Variants in SIDT1 observed in about 807,000 individuals in gnomAD.
The protein encoded by SIDT1 is SID1 transmembrane family, member 1.
In SIDT1, 101 loss-of-function variants were observed where a neutral mutation model predicts 107.5. The observed-to-expected ratio is 0.94, with a 90% confidence interval of 0.80 to 1.11. The LOEUF (loss-of-function observed/expected upper bound fraction) is 1.11. Ranked by LOEUF, SIDT1 falls within the 50% of genes least tolerant of loss-of-function variation. The pLI is 0.00. For missense variants in SIDT1, 1,076 were observed against 1,058.2 expected, an observed-to-expected ratio of 1.02 and a Z score of -0.23; for synonymous variants, 395 against 398.2, an observed-to-expected ratio of 0.99 and a Z score of 0.10.
At position 113,604,960 on chromosome 3, in the gene SIDT1, T is replaced by C. The variant is rs776379280; in HGVS notation, c.1388T>C (p.Val463Ala). ...TACGCGCTGCCCGTGATCCAGCTGG[T>C]CATTACCTATCAGACAGTAAGTGCT... ...VFYALPVIQLVITYQTVVNVT... is the reference protein window; with the variant it reads ...VFYALPVIQLAITYQTVVNVT... The change falls in exon 14 of 25, where the codon GTC (valine) becomes GCC (alanine). Residue 463 changes from valine (V) to alanine (A), a missense_variant. Coordinates refer to ENST00000264852, the MANE Select transcript of SIDT1 (RefSeq NM_017699.3). 9.9e-6 allele frequency: 16 copies of C among 1,613,854 alleles called. No individual in the cohort carries two copies. Among genetic ancestry groups the C allele is most frequent in the Non-Finnish European group, 1.4e-5 (16 of 1,180,026 alleles).
intron 19 of SIDT1, among the ~76,000 whole-genome samples, chr3:113,614,080 G>T (rs1340119154): frequency 1.3e-5 from 2 of 152,198 alleles, no homozygotes; most frequent in African/African-American, 2.4e-5. Context: ...GGAAGACATG[G>T]TTCCCAAAAT....
chr3:113,571,407 A>AC (rs1321572538), intron 3 of SIDT1, among the ~76,000 whole-genome samples: 1 of 151,940 alleles, frequency 6.6e-6, no homozygotes, highest in African/African-American at 2.4e-5. Context: ...ACAAAATGAG[A>AC]CCCCATCTCT....
intron 1 of SIDT1, among the ~76,000 whole-genome samples, chr3:113,563,750 GA>G (rs1941653247): frequency 1.3e-5 from 2 of 151,916 alleles, no homozygotes; most frequent in Admixed American, 6.6e-5. Context: ...TTTTTAACTG[GA>G]AAAAAATTTT....
chr3:113,623,891 C>T (rs1452565474), intron 23 of SIDT1, among the ~76,000 whole-genome samples, 158 bp downstream of exon 23: 3 of 152,226 alleles, frequency 2.0e-5, no homozygotes, highest in African/African-American at 7.2e-5. Context: ...TGCACAATAA[C>T]TGCATGCGTT....
intron 1 of SIDT1, among the ~76,000 whole-genome samples, chr3:113,557,614 GAC>G (rs1274575513): frequency 6.6e-6 from 1 of 152,196 alleles, no homozygotes. Context: ...AGGGTTCATG[GAC>G]ACCACCAGAA....
Position 113,603,160 on chromosome 3 carries a change from C to A in SIDT1, c.1263+10C>A. 1.9e-6 allele frequency: 3 copies of A among 1,612,540 alleles called. No homozygotes were observed. The highest frequency in any genetic ancestry group is 1.7e-6 in the Non-Finnish European group (2 of 1,179,118). ...CATCATCCGGACCAAGGTACCCACT[C>A]TGCCTCGCCGTACTCTTTGAGAGGG... is the stretch of plus-strand genomic sequence containing the variant. On this transcript the variant is annotated intron_variant, in intron 12 of 24. Coordinates refer to ENST00000264852, the MANE Select transcript of SIDT1 (RefSeq NM_017699.3).
Position 113,608,627 on chromosome 3 carries a change from A to T in SIDT1, c.1720+91A>T, listed in dbSNP as rs1945515692. ...AAATGCCAAAGTCATGCTTGCAAAG[A>T]TCAAATGGCATTTTATGTGAGCTGA... On this transcript the variant is annotated intron_variant, in intron 17 of 24. Transcript: ENST00000264852. 1.8e-5 allele frequency: 16 copies of T among 871,028 alleles called. No homozygotes were observed. In the South Asian group the frequency reaches 2.3e-4, roughly 12 times the overall value. The allele number at this position is 871,028 out of a possible 1,614,324, so 54.0% of individuals were successfully genotyped here.
At chr3:113,585,485 G>C (rs1026112453) in intron 9 of SIDT1, among the ~76,000 whole-genome samples, 2 of 152,072 alleles carry the variant, frequency 1.3e-5, no homozygotes, top group African/African-American at 4.8e-5. Flanking sequence ...CCCACAAAAA[G>C]TACAACTGCA....
chr3:113,599,784 G>A (rs1944826988), intron 10 of SIDT1, among the ~76,000 whole-genome samples: 1 of 152,134 alleles, frequency 6.6e-6, no homozygotes, highest in Non-Finnish European at 1.5e-5. Context: ...TCTGCAGGCA[G>A]GTAGGATGAA....
At position 113,580,728 on chromosome 3, in the gene SIDT1, C is replaced by A. The variant is rs747881051; in HGVS notation, c.663+19C>A. ...TATCATGGTGAGTGCTGATAACTTGCCAACCTTCTACTATAGAGCATTATA... is the reference window on the plus strand; with the variant it reads ...TATCATGGTGAGTGCTGATAACTTGACAACCTTCTACTATAGAGCATTATA... On this transcript the variant is annotated intron_variant, in intron 5 of 24. Coordinates refer to ENST00000264852, the MANE Select transcript of SIDT1 (RefSeq NM_017699.3). 61 of 1,449,402 alleles carry A rather than the reference C, an allele frequency of 4.2e-5. No homozygotes were observed. Among genetic ancestry groups the A allele is most frequent in the Non-Finnish European group, 5.6e-5 (58 of 1,030,648 alleles). 89.8% of individuals were successfully genotyped at this position (1,449,402 alleles called of 1,614,324 possible).
rs748299071 is a variant in SIDT1 at position 113,567,655 on chromosome 3, C to A, written c.460C>A (p.Pro154Thr). 17 of 1,614,006 alleles carry A rather than the reference C, an allele frequency of 1.1e-5. No homozygotes were observed. The Admixed American group carries it at 2.7e-4, about 25-fold the overall frequency. ...ATTTGTAGATGTCGCATCCATGGCA[C>A]CCCTGGGTGCTCAGTACAAACTGCT... ...LIFVDVASMAPLGAQYKLLVT... is the reference protein window; with the variant it reads ...LIFVDVASMATLGAQYKLLVT... The change falls in exon 3 of 25, where the codon CCC (proline) becomes ACC (threonine). Residue 154 changes from proline to threonine, a missense_variant. Transcript: ENST00000264852.
In SIDT1 at chr3:113,608,156, T is replaced by C. The variant is rs1409703230; in HGVS notation, c.1541T>C (p.Ile514Thr). Residue 514 changes from isoleucine to threonine, a missense_variant, in exon 16 of 25, where the codon ATA becomes ACA. Transcript: ENST00000264852. ...HVLLGFLFLL[I>T]VLRRDILHRR... ...CTTCTGGGCTTCCTCTTCCTGCTGATAGTCTTGCGCCGCGACATCCTCCAT... is the reference window on the plus strand; with the variant it reads ...CTTCTGGGCTTCCTCTTCCTGCTGACAGTCTTGCGCCGCGACATCCTCCAT... The C allele has an allele frequency of 8.1e-6, 13 of 1,612,642 alleles. No individual in the cohort carries two copies. The highest frequency in any genetic ancestry group is 1.1e-5 in the Non-Finnish European group (13 of 1,179,444).
Position 113,533,012 on chromosome 3 carries a change from G to T in SIDT1, c.-10G>T. ...TGGCTCCGCTTTCGAGCCCGGGCGC[G>T]GTGCCCACCATGCGCGGCTGCCTGC... On this transcript the variant is annotated 5_prime_UTR_variant, in exon 1 of 25. Coordinates refer to ENST00000264852, the MANE Select transcript of SIDT1 (RefSeq NM_017699.3). 7.4e-7 allele frequency: 1 copy of T among 1,350,466 alleles called. No individual in the cohort carries two copies. The highest frequency in any genetic ancestry group is 3.1e-5 in the East Asian group (1 of 32,132). 83.7% of individuals were successfully genotyped at this position (1,350,466 alleles called of 1,614,324 possible). A position where few individuals can be genotyped will look rare whatever the true frequency, so the allele number is the denominator to read the frequency against.
At chr3:113,601,733 C>T in intron 11 of SIDT1, 74 bp downstream of exon 11, 1 of 1,018,562 alleles carries the variant, frequency 9.8e-7, no homozygotes, top group Admixed American at 2.2e-5. Flanking sequence ...GCATTCCAGC[C>T]ACTAATAACT....
Position 113,603,068 on chromosome 3 carries a change from C to G in SIDT1, c.1181C>G (p.Ser394Ter). 6.2e-7 allele frequency: 1 copy of G among 1,614,106 alleles called. No individual in the cohort carries two copies. Among genetic ancestry groups the G allele is most frequent in the East Asian group, 2.2e-5 (1 of 44,880 alleles). Reference sequence around the variant, plus strand: ...TCCGATGGTGGGCCACCGGGCCAGTCAGACACAGACAGCTCCGTGGAGGAG... The same window carrying G: ...TCCGATGGTGGGCCACCGGGCCAGTGAGACACAGACAGCTCCGTGGAGGAG... The part of the protein sequence containing the change: ...SSSDGGPPGQ[S>*]DTDSSVEESD... The change falls in exon 12 of 25, where the codon TCA becomes TGA. Residue 394 changes from serine (S) to a stop codon, truncating the protein, a stop_gained. Coordinates refer to ENST00000264852, the MANE Select transcript of SIDT1 (RefSeq NM_017699.3). LOFTEE classifies it high-confidence loss of function.
At chr3:113,603,896 C>G in intron 12 of SIDT1, 64 bp from the exon 13 acceptor site, 2 of 1,035,674 alleles carry the variant, frequency 1.9e-6, no homozygotes, top group Non-Finnish European at 2.9e-6. Flanking sequence ...TTATGTTTGC[C>G]TTTGTATCTC....
At chr3:113,546,780 ATTTC>A (rs1939643579) in intron 1 of SIDT1, among the ~76,000 whole-genome samples, 1 of 152,174 alleles carries the variant, frequency 6.6e-6, no homozygotes, top group Non-Finnish European at 1.5e-5. Context: ...AGATACCAGC[ATTTC>A]TTTCTTCTTT....
chr3:113,580,950 G>A (rs1177561121), intron 5 of SIDT1, among the ~76,000 whole-genome samples: 1 of 152,162 alleles, frequency 6.6e-6, no homozygotes, highest in Non-Finnish European at 1.5e-5. Context: ...GGAAAGGAGG[G>A]AGGAAGCAGG....
chr3:113,619,052 T>C (rs886726941), intron 20 of SIDT1, among the ~76,000 whole-genome samples: 1 of 152,168 alleles, frequency 6.6e-6, no homozygotes, highest in African/African-American at 2.4e-5. Context: ...TTCAAACTCC[T>C]GACCTCAGGT....
Sources: allele counts gnomAD v4.1 joint callset (sites outside exome capture counted in the v4.1 genomes callset), GRCh38; gene constraint gnomAD v4.1.1; transcripts MANE v1.5; gene names NCBI Gene and HGNC (gene_info 2026-07-23, HGNC 2026-07-21).